JPH1: variants seen among roughly 807,000 people sequenced by gnomAD.
JPH1 encodes junctophilin-1.
A neutral mutation model predicts 53.6 loss-of-function variants in JPH1; 12 were observed. The observed-to-expected ratio is 0.22, with a 90% CI of 0.14 to 0.36. JPH1 has a LOEUF of 0.36. Ranked by LOEUF, JPH1 falls within the 10% of genes least tolerant of loss-of-function variation. The pLI is 1.00. For synonymous variants in JPH1, 375 were observed against 363.8 expected, an observed-to-expected ratio of 1.03 and a Z score of -0.35; for missense variants, 808 against 905.5, an observed-to-expected ratio of 0.89 and a Z score of 1.38.
At chr8:74,311,734 T>C (rs1212755531) in intron 2 of JPH1, among the ~76,000 whole-genome samples, 6 of 137,128 alleles carry the variant, frequency 4.4e-5, no homozygotes, top group South Asian at 2.3e-4. Flanking sequence ...TGTGTTCTCA[T>C]TGTTCAATTC....
chr8:74,270,956 T>C (rs532084124), intron 2 of JPH1, among the ~76,000 whole-genome samples: 1 of 152,322 alleles, frequency 6.6e-6, no homozygotes, highest in Non-Finnish European at 1.5e-5. Flanking sequence ...CTGCAGCCAC[T>C]GAGGAATGCA....
At chr8:74,279,567 G>C (rs866573742) in intron 2 of JPH1, among the ~76,000 whole-genome samples, 9 of 152,306 alleles carry the variant, frequency 5.9e-5, no homozygotes, top group Admixed American at 1.3e-4. Context: ...TTCTACTGCA[G>C]ACTCCTCACT....
chr8:74,250,569 C>T (rs1040603321), intron 3 of JPH1, among the ~76,000 whole-genome samples: 6 of 152,216 alleles, frequency 3.9e-5, no homozygotes, highest in Non-Finnish European at 8.8e-5. Context: ...CAACCCGTGG[C>T]CCAACACAAA....
intron 3 of JPH1, among the ~76,000 whole-genome samples, chr8:74,256,343 G>A (rs191868578): frequency 1.7e-3 from 253 of 150,792 alleles, no homozygotes; most frequent in Non-Finnish European, 2.9e-3. Flanking sequence ...ATTGATCAAT[G>A]AGAACACATG....
chr8:74,302,238 C>A (rs1025443027), intron 2 of JPH1, among the ~76,000 whole-genome samples: 1 of 152,198 alleles, frequency 6.6e-6, no homozygotes, highest in Non-Finnish European at 1.5e-5. Context: ...GCAGCATCTA[C>A]ATTGTTTCCT....
chr8:74,298,812 A>G (rs1807592051), intron 2 of JPH1, among the ~76,000 whole-genome samples: 2 of 152,072 alleles, frequency 1.3e-5, no homozygotes, highest in South Asian at 4.1e-4. Context: ...GTTCTCCACA[A>G]ATTTATTACC....
At chr8:74,290,330 A>G (rs1310449981) in intron 2 of JPH1, among the ~76,000 whole-genome samples, 1 of 152,222 alleles carries the variant, frequency 6.6e-6, no homozygotes, top group East Asian at 1.9e-4. Flanking sequence ...AAGCATTCCT[A>G]TACACAATAA....
chr8:74,314,742 G>T, intron 2 of JPH1, 119 bp downstream of exon 2: 1 of 1,188,612 alleles, frequency 8.4e-7, no homozygotes, highest in Non-Finnish European at 1.2e-6. Context: ...TTTCACCTTT[G>T]ATTTTTTAGT....
intron 4 of JPH1, among the ~76,000 whole-genome samples, chr8:74,241,176 C>T (rs1805681638): frequency 6.6e-6 from 1 of 152,196 alleles, no homozygotes; most frequent in African/African-American, 2.4e-5. Flanking sequence ...TTAAAGGTGA[C>T]TCAGTGAAGA....
chr8:74,272,894 G>GCGCC (rs1292407052), intron 2 of JPH1, among the ~76,000 whole-genome samples: 6 of 151,934 alleles, frequency 3.9e-5, no homozygotes, highest in African/African-American at 1.4e-4. Flanking sequence ...GTGAGCCACC[G>GCGCC]CGCCCGGCCG....
At chr8:74,294,898 G>T (rs1228130371) in intron 2 of JPH1, among the ~76,000 whole-genome samples, 1 of 152,204 alleles carries the variant, frequency 6.6e-6, no homozygotes, top group Non-Finnish European at 1.5e-5. Flanking sequence ...GCTGATGAGG[G>T]AGCCTGAGAC....
At chr8:74,272,600 CTTTTTTTTTT>C (rs765158506) in intron 2 of JPH1, among the ~76,000 whole-genome samples, 2 of 112,684 alleles carry the variant, frequency 1.8e-5, no homozygotes, top group East Asian at 2.6e-4. Context: ...ACCCTTAGTT[CTTTTTTTTTT>C]TTTTTTTTTT....
Position 74,315,620 on chromosome 8 carries a change from C to T in JPH1, c.380G>A (p.Gly127Asp). Residue 127 changes from glycine to aspartate, a missense_variant and splice_region_variant, in exon 2 of 6, where the codon GGT becomes GAT. By Grantham distance (94) the Gly-to-Asp change is moderately conservative (BLOSUM62 -1). Coordinates refer to ENST00000342232, the MANE Select transcript of JPH1 (RefSeq NM_020647.4). The surrounding 1 kb of genome is among the most constrained non-coding windows in gnomAD (Gnocchi z 6.3). The part of the protein sequence containing the change: ...GYGVETYGDG[G>D]TYQGQWAGGM... ...TCCGGCCCACTGGCCCTGGTAGGTA[C>T]CTTGGAGAGACCGCAAGAAAGCACC... The T allele has an allele frequency of 6.3e-7, 1 of 1,590,792 alleles. No individual in the cohort carries two copies. The highest frequency in any genetic ancestry group is 8.5e-7 in the Non-Finnish European group (1 of 1,172,494).
rs112519386 is a variant in JPH1, at chr8:74,316,994, A to T, written c.380-1374T>A. ...ATGTCATAGAAAACAAATAATGATT[A>T]GTCTGTCTTGACCTCTTTCCATTTC... On this transcript the variant is annotated intron_variant, in intron 1 of 5. Transcript: ENST00000342232. Among the ~76,000 whole-genome samples the T allele has an allele frequency of 3.5e-3, 526 of 152,360 alleles. 4 individuals are homozygous for T. Among genetic ancestry groups the T allele is most frequent in the African/African-American group, 0.012 (487 of 41,588 alleles).
chr8:74,281,457 T>G lies in JPH1; in HGVS notation c.1140-21954A>C, dbSNP rs151102639. Among the ~76,000 whole-genome samples the G allele has an allele frequency of 1.1e-3, 166 of 152,340 alleles. 1 individual carries two copies. The highest frequency in any genetic ancestry group is 3.9e-3 in the African/African-American group (161 of 41,574). On this transcript the variant is annotated intron_variant, in intron 2 of 5. Coordinates refer to ENST00000342232, the MANE Select transcript of JPH1 (RefSeq NM_020647.4). ...TAAGTGGACAGATGTGTCTACCCAA[T>G]TATTTCAGTTGGACAGACCTAGCCT...
At chr8:74,297,210 T>G (rs1807545914) in intron 2 of JPH1, among the ~76,000 whole-genome samples, 1 of 152,254 alleles carries the variant, frequency 6.6e-6, no homozygotes, top group African/African-American at 2.4e-5. Flanking sequence ...GCTGTTTCTT[T>G]GCAGGAGCAG....
At position 74,321,050 on chromosome 8, in the gene JPH1, A is replaced by T. The variant is rs1781456081; in HGVS notation, c.238T>A (p.Trp80Arg). 2.5e-6 allele frequency: 4 copies of T among 1,612,882 alleles called. No individual in the cohort carries two copies. In the South Asian group the frequency reaches 4.4e-5, roughly 18 times the overall value. The change falls in exon 1 of 6, where the codon TGG becomes AGG. Residue 80 changes from tryptophan (W) to arginine (R), a missense_variant. Coordinates refer to ENST00000342232, the MANE Select transcript of JPH1 (RefSeq NM_020647.4). The surrounding 1 kb of genome is among the most constrained non-coding windows in gnomAD (Gnocchi z 4.3). ...HGLGVETKGK[W>R]MYRGEWSHGF... is the part of the protein sequence containing the mutation. ...TGTGACCACTCCCCCCGGTACATCCACTTGCCCTTCGTCTCCACCCCCAGC... is the reference window on the plus strand; with the variant it reads ...TGTGACCACTCCCCCCGGTACATCCTCTTGCCCTTCGTCTCCACCCCCAGC...
chr8:74,270,088 A>T (rs971586456), intron 2 of JPH1, among the ~76,000 whole-genome samples: 1 of 148,970 alleles, frequency 6.7e-6, no homozygotes, highest in African/African-American at 2.6e-5. Flanking sequence ...TCTTCTCCCA[A>T]TGTATTTTTT....
chr8:74,301,044 T>C (rs1807667290), intron 2 of JPH1, among the ~76,000 whole-genome samples: 1 of 152,186 alleles, frequency 6.6e-6, no homozygotes, highest in Admixed American at 6.5e-5. Context: ...TTCATTAACC[T>C]TAATAGGGGT....
Sources: gnomAD v4.1 joint callset for allele counts (sites outside exome capture counted in the v4.1 genomes callset) on GRCh38, gnomAD v4.1.1 for gene constraint, Gnocchi (gnomAD v3.1) non-coding constraint, MANE v1.5 for transcripts, NCBI Gene and HGNC (gene_info 2026-07-23, HGNC 2026-07-21) for gene names.